WDR25: variants seen among roughly 807,000 people sequenced by gnomAD.
WDR25 encodes the protein WD repeat-containing protein 25.
A neutral mutation model predicts 47.7 loss-of-function variants in WDR25; 35 were observed. The ratio of observed to expected loss-of-function variants is 0.73; its 90% CI spans 0.56 to 0.97. The LOEUF (loss-of-function observed/expected upper bound fraction) is 0.97. Among genes scored for constraint, WDR25 ranks in the 50% least tolerant of loss-of-function variants. The pLI is 0.00. For missense variants in WDR25, 634 were observed against 704.7 expected, an observed-to-expected ratio of 0.90 and a Z score of 1.14; for synonymous variants, 248 against 278.9, an observed-to-expected ratio of 0.89 and a Z score of 1.10.
At chr14:100,459,582 G>A (rs1899308916) in intron 2 of WDR25, among the ~76,000 whole-genome samples, 2 of 151,910 alleles carry the variant, frequency 1.3e-5, no homozygotes, top group African/African-American at 4.8e-5. Context: ...GTCAAAATGA[G>A]GTCATTAGGG....
intron 2 of WDR25, among the ~76,000 whole-genome samples, chr14:100,466,188 T>C (rs1310289181): frequency 6.6e-6 from 1 of 152,198 alleles, no homozygotes; most frequent in Non-Finnish European, 1.5e-5. Flanking sequence ...ATACTGCTGT[T>C]TCTTGATTTT....
chr14:100,408,308 A>G (rs1057047188), intron 2 of WDR25, among the ~76,000 whole-genome samples: 1 of 152,120 alleles, frequency 6.6e-6, no homozygotes, highest in South Asian at 2.1e-4. Context: ...GTAGATTCCC[A>G]CAATTTCAGT....
chr14:100,506,936 T>A lies in WDR25; in HGVS notation c.1102-18934T>A, dbSNP rs1176260411. 1.3e-5 allele frequency among the ~76,000 whole-genome samples: 2 copies of A among 152,232 alleles called. No homozygotes were observed. The highest frequency in any genetic ancestry group is 2.9e-5 in the Non-Finnish European group (2 of 68,050). On this transcript the variant is annotated intron_variant, in intron 4 of 6. Transcript: ENST00000402312. This position sits in a 1 kb window ranked among gnomAD's most constrained non-coding sequence, Gnocchi z 4.8. ...GGTTTAATTAGGTCCTGCTTGTTAATTTTTGTTTTTATTGCAGTTGCTTTT... is the reference window on the plus strand; with the variant it reads ...GGTTTAATTAGGTCCTGCTTGTTAAATTTTGTTTTTATTGCAGTTGCTTTT...
chr14:100,434,814 T>C (rs998509467), intron 2 of WDR25, among the ~76,000 whole-genome samples: 3 of 152,196 alleles, frequency 2.0e-5, no homozygotes, highest in Non-Finnish European at 4.4e-5. Context: ...TCCTTCTATG[T>C]TTCTTTTTGC....
rs569822290 is a variant in WDR25, at chr14:100,523,205, C to T, written c.1102-2665C>T. Among the ~76,000 whole-genome samples the T allele has an allele frequency of 2.2e-4, 34 of 152,330 alleles. No homozygotes were observed. The South Asian group carries it at 6.4e-3, about 29-fold the overall frequency. ...CTTATCCAGCATCAATTTGACACACCTTACTGATGCCTGCAGGGGCAGACC... is the reference window on the plus strand; with the variant it reads ...CTTATCCAGCATCAATTTGACACACTTTACTGATGCCTGCAGGGGCAGACC... On this transcript the variant is annotated intron_variant, in intron 4 of 6. Coordinates refer to ENST00000402312, the MANE Select transcript of WDR25 (RefSeq NM_001161476.3). The surrounding 1 kb of genome is among the most constrained non-coding windows in gnomAD (Gnocchi z 4.7).
chr14:100,517,132 T>C (rs1007132820), intron 4 of WDR25, among the ~76,000 whole-genome samples: 10 of 149,028 alleles, frequency 6.7e-5, no homozygotes, highest in Admixed American at 4.0e-4. Flanking sequence ...TTTTTTTTTT[T>C]TGAGACGGAG....
rs1900365286 is a variant in WDR25 at position 100,485,858 on chromosome 14, C to A, written c.1101+1734C>A. ...GTTGAGGAGAGCCTAAATGCAGAGACTTTTCTTGACAGAGAATGGGAAGTT... is the reference window on the plus strand; with the variant it reads ...GTTGAGGAGAGCCTAAATGCAGAGAATTTTCTTGACAGAGAATGGGAAGTT... On this transcript the variant is annotated intron_variant, in intron 4 of 6. Coordinates refer to ENST00000402312, the MANE Select transcript of WDR25 (RefSeq NM_001161476.3). 2.0e-5 allele frequency among the ~76,000 whole-genome samples: 3 copies of A among 152,104 alleles called. No individual in the cohort carries two copies. The South Asian group carries it at 6.2e-4, about 31-fold the overall frequency.
intron 2 of WDR25, among the ~76,000 whole-genome samples, chr14:100,450,281 A>C (rs888541156): frequency 1.3e-5 from 2 of 152,262 alleles, no homozygotes; most frequent in Admixed American, 6.5e-5. Flanking sequence ...CTGTGTGACT[A>C]TGCCTTGCTC....
rs1595507147 is a variant in WDR25, at chr14:100,407,198, C to G, written c.822+25452C>G. 6.6e-6 allele frequency: 1 copy of G among 152,244 alleles called. No individual in the cohort carries two copies. The highest frequency in any genetic ancestry group is 6.5e-5 in the Admixed American group (1 of 15,288). 9.4% of individuals were successfully genotyped at this position (152,244 alleles called of 1,614,324 possible). On this transcript the variant is annotated intron_variant, in intron 2 of 6. Coordinates refer to ENST00000402312, the MANE Select transcript of WDR25 (RefSeq NM_001161476.3). This position sits in a 1 kb window ranked among gnomAD's most constrained non-coding sequence, Gnocchi z 4.1. ...TGATGATATATACTCAGAGCTCAGA[C>G]AGTTAATTTGCATTGTGTCCTATAT...
At chr14:100,483,652 G>A (rs1900281049) in intron 3 of WDR25, among the ~76,000 whole-genome samples, 2 of 152,164 alleles carry the variant, frequency 1.3e-5, no homozygotes, top group African/African-American at 4.8e-5. Flanking sequence ...CTTGGTTTTT[G>A]GCTGTTAGGT....
chr14:100,480,844 C>G lies in WDR25; in HGVS notation c.971-3150C>G, dbSNP rs1900173423. 1.7e-5 allele frequency: 4 copies of G among 231,324 alleles called. No individual in the cohort carries two copies. The South Asian group carries it at 2.3e-4, about 13-fold the overall frequency. The allele number at this position is 231,324 out of a possible 1,614,324, so 14.3% of individuals were successfully genotyped here. Reference sequence around the variant, plus strand: ...TTACTAGCAAAATGTTCACAAAATCCTTTGCTTCGATGGTGGATAAAAGTG... The same window carrying G: ...TTACTAGCAAAATGTTCACAAAATCGTTTGCTTCGATGGTGGATAAAAGTG... On this transcript the variant is annotated intron_variant, in intron 3 of 6. Coordinates refer to ENST00000402312, the MANE Select transcript of WDR25 (RefSeq NM_001161476.3).
intron 3 of WDR25, among the ~76,000 whole-genome samples, chr14:100,481,538 C>T (rs1040328679): frequency 6.6e-6 from 1 of 150,674 alleles, no homozygotes. Context: ...GAGGCTTTGA[C>T]TGTCTCGGGT....
chr14:100,529,769 A>T lies in WDR25; in HGVS notation c.1414-51A>T. On this transcript the variant is annotated intron_variant, in intron 6 of 6. Coordinates refer to ENST00000402312, the MANE Select transcript of WDR25 (RefSeq NM_001161476.3). This position sits in a 1 kb window ranked among gnomAD's most constrained non-coding sequence, Gnocchi z 5.1. ...GCTCCTCTGTAGAATGGGCATACTC[A>T]CCCCGGCTTGACAGGTGCGGCTTGC... 1 of 1,577,344 alleles carries T rather than the reference A, an allele frequency of 6.3e-7. No individual in the cohort carries two copies. The highest frequency in any genetic ancestry group is 2.3e-5 in the East Asian group (1 of 44,276).
chr14:100,487,624 C>G (rs1566934060), intron 4 of WDR25: 1 of 152,154 alleles, frequency 6.6e-6, no homozygotes. Context: ...GGTGTCTTAC[C>G]CCATTCTGTG....
intron 2 of WDR25, among the ~76,000 whole-genome samples, chr14:100,445,354 C>T (rs1898798565): frequency 6.6e-6 from 1 of 152,172 alleles, no homozygotes; most frequent in African/African-American, 2.4e-5. Flanking sequence ...AAAAATGATG[C>T]TGAACTCCTT....
At chr14:100,490,601 T>G (rs748410849) in intron 4 of WDR25, among the ~76,000 whole-genome samples, 6 of 152,242 alleles carry the variant, frequency 3.9e-5, no homozygotes, top group Admixed American at 6.5e-5. Context: ...GGCCTAGGCC[T>G]CCAGGTTTTT....
In WDR25 at chr14:100,529,690, A is replaced by G. The variant is rs1322516541; in HGVS notation, c.1414-130A>G. The stretch of plus-strand genomic sequence containing the variant: ...TGGGCGGGACCTGGGCTTTGGCCTC[A>G]GGGACACGAGGTGCGAAGCCCAGCT... On this transcript the variant is annotated intron_variant, in intron 6 of 6. Transcript: ENST00000402312. This position sits in a 1 kb window ranked among gnomAD's most constrained non-coding sequence, Gnocchi z 5.1. The G allele has an allele frequency of 9.5e-7, 1 of 1,057,866 alleles. No individual in the cohort carries two copies. The highest frequency in any genetic ancestry group is 1.3e-6 in the Non-Finnish European group (1 of 741,530). 65.5% of individuals were successfully genotyped at this position (1,057,866 alleles called of 1,614,324 possible).
At chr14:100,378,677 G>GAGAGAAAA (rs1566878593) in intron 1 of WDR25, among the ~76,000 whole-genome samples, 2 of 86,484 alleles carry the variant, frequency 2.3e-5, no homozygotes, top group Admixed American at 9.1e-5. Flanking sequence ...GTTCCAGGCA[G>GAGAGAAAA]GCCGGGCGCG....
intron 4 of WDR25, among the ~76,000 whole-genome samples, chr14:100,514,883 T>C (rs1208815263): frequency 6.6e-6 from 1 of 152,216 alleles, no homozygotes; most frequent in African/African-American, 2.4e-5. Flanking sequence ...ATTTCCTGTA[T>C]TTTTGGTCTG....
Sources: gnomAD v4.1 joint callset for allele counts (sites outside exome capture counted in the v4.1 genomes callset) on GRCh38, gnomAD v4.1.1 for gene constraint, Gnocchi (gnomAD v3.1) non-coding constraint, MANE v1.5 for transcripts, NCBI Gene and HGNC (gene_info 2026-07-23, HGNC 2026-07-21) for gene names.